Variants in SLC24A3 observed in about 807,000 individuals in gnomAD.
SLC24A3 encodes sodium/potassium/calcium exchanger 3.
Under a neutral mutation model 75.8 loss-of-function variants are expected in SLC24A3, and 28 were observed. The observed-to-expected ratio is 0.37, with a 90% confidence interval of 0.27 to 0.51. SLC24A3 has a LOEUF of 0.51. Ranked by LOEUF, SLC24A3 falls within the 20% of genes least tolerant of loss-of-function variation. The probability of loss-of-function intolerance (pLI) is 0.94; values close to 1 mark genes in which losing one functional copy is unlikely to be tolerated. For missense variants in SLC24A3, 663 were observed against 847.8 expected, an observed-to-expected ratio of 0.78 and a Z score of 2.71; for synonymous variants, 372 against 334.1, an observed-to-expected ratio of 1.11 and a Z score of -1.24.
intron 2 of SLC24A3, among the ~76,000 whole-genome samples, chr20:19,363,577 T>G (rs896433562): frequency 1.3e-5 from 2 of 152,122 alleles, no homozygotes; most frequent in African/African-American, 4.8e-5. Context: ...GGATGCCCAT[T>G]CATGGTGCTC....
intron 2 of SLC24A3, among the ~76,000 whole-genome samples, chr20:19,443,030 A>G (rs976513213): frequency 2.0e-5 from 3 of 152,118 alleles, no homozygotes; most frequent in African/African-American, 7.2e-5. Flanking sequence ...TAAGCTTTCT[A>G]TTGTGTTCCA....
intron 1 of SLC24A3, among the ~76,000 whole-genome samples, chr20:19,275,077 T>A (rs1303918485): frequency 6.6e-6 from 1 of 152,212 alleles, no homozygotes; most frequent in African/African-American, 2.4e-5. Flanking sequence ...CTCTGAGTGC[T>A]TCAGCCAGAT....
chr20:19,323,478 A>T (rs1260251705), intron 2 of SLC24A3, among the ~76,000 whole-genome samples: 3 of 152,134 alleles, frequency 2.0e-5, no homozygotes, highest in Non-Finnish European at 4.4e-5. Context: ...TATATTTAAG[A>T]TATTTTAAAA....
intron 2 of SLC24A3, among the ~76,000 whole-genome samples, chr20:19,439,005 G>A (rs1271753995): frequency 6.6e-6 from 1 of 152,246 alleles, no homozygotes; most frequent in Non-Finnish European, 1.5e-5. Flanking sequence ...GGGGGAAGAA[G>A]CCTTTGGCTG....
At chr20:19,566,035 A>G (rs1349424844) in intron 3 of SLC24A3, among the ~76,000 whole-genome samples, 1 of 152,178 alleles carries the variant, frequency 6.6e-6, no homozygotes, top group East Asian at 1.9e-4. Context: ...AAGCTCATTC[A>G]TTCATTCATT....
chr20:19,463,630 T>G (rs1393655440), intron 2 of SLC24A3, among the ~76,000 whole-genome samples: 1 of 149,122 alleles, frequency 6.7e-6, no homozygotes, highest in South Asian at 2.2e-4. Flanking sequence ...TAGCCCGGAC[T>G]CAAGGGCAGA....
intron 2 of SLC24A3, among the ~76,000 whole-genome samples, chr20:19,310,342 G>A (rs570149334): frequency 6.6e-6 from 1 of 152,180 alleles, no homozygotes; most frequent in Non-Finnish European, 1.5e-5. Context: ...AATTTCAAAA[G>A]TTCCCAGGTG....
chr20:19,430,331 G>A (rs1676743792), intron 2 of SLC24A3, among the ~76,000 whole-genome samples: 2 of 152,204 alleles, frequency 1.3e-5, no homozygotes, highest in South Asian at 4.2e-4. Flanking sequence ...TTTTCCCTTG[G>A]CTCACCGCTC....
intron 2 of SLC24A3, among the ~76,000 whole-genome samples, chr20:19,502,868 C>CAAAAAAAAAAAA (rs368651686): frequency 1.4e-5 from 1 of 72,208 alleles, no homozygotes; most frequent in African/African-American, 5.1e-5. Flanking sequence ...CTGTCTCTAC[C>CAAAAAAAAAAAA]AAAAAAAAAA....
intron 2 of SLC24A3, among the ~76,000 whole-genome samples, chr20:19,306,793 C>A (rs1984343444): frequency 6.6e-6 from 1 of 152,156 alleles, no homozygotes; most frequent in African/African-American, 2.4e-5. Flanking sequence ...ATACACCAAA[C>A]CTTAGCAACA....
intron 15 of SLC24A3, among the ~76,000 whole-genome samples, chr20:19,713,943 C>T (rs2033016209): frequency 6.6e-6 from 1 of 152,136 alleles, no homozygotes; most frequent in Non-Finnish European, 1.5e-5. Context: ...TGCCTTAAAC[C>T]AGAGGGTTGC....
intron 16 of SLC24A3, 52 bp downstream of exon 16, chr20:19,717,645 C>G: frequency 6.2e-7 from 1 of 1,607,926 alleles, no homozygotes; most frequent in Non-Finnish European, 8.5e-7. Flanking sequence ...CTTTCCTCCC[C>G]TTGGTTTCTT....
chr20:19,226,511 A>T (rs1981874742), intron 1 of SLC24A3, among the ~76,000 whole-genome samples: 1 of 152,174 alleles, frequency 6.6e-6, no homozygotes, highest in South Asian at 2.1e-4. Flanking sequence ...TTAACTTATC[A>T]TGGGCATCCC....
chr20:19,530,312 C>T (rs527712073), intron 3 of SLC24A3, among the ~76,000 whole-genome samples: 3 of 152,304 alleles, frequency 2.0e-5, no homozygotes, highest in East Asian at 3.9e-4. Context: ...ACAGAATCAC[C>T]GTGCTACTCT....
At chr20:19,345,520 C>G (rs908297150) in intron 2 of SLC24A3, among the ~76,000 whole-genome samples, 2 of 152,002 alleles carry the variant, frequency 1.3e-5, no homozygotes, top group African/African-American at 2.4e-5. Flanking sequence ...CTACGGTAAT[C>G]AAGACAATGT....
chr20:19,394,270 G>T (rs1258582652), intron 2 of SLC24A3, among the ~76,000 whole-genome samples: 1 of 152,050 alleles, frequency 6.6e-6, no homozygotes, highest in East Asian at 1.9e-4. Context: ...GAAAACATAG[G>T]AGTAAAGCTT....
intron 6 of SLC24A3, among the ~76,000 whole-genome samples, chr20:19,643,331 G>T (rs1600317695): frequency 6.6e-6 from 1 of 152,104 alleles, no homozygotes; most frequent in Admixed American, 6.5e-5. Flanking sequence ...CCAAACACCA[G>T]GTAGAAATCT....
At chr20:19,243,567 G>A (rs1485782740) in intron 1 of SLC24A3, among the ~76,000 whole-genome samples, 2 of 152,202 alleles carry the variant, frequency 1.3e-5, no homozygotes, top group Non-Finnish European at 2.9e-5. Flanking sequence ...AGGAGAACAT[G>A]GGTAGGTAAT....
At chr20:19,272,161 C>G (rs917648380) in intron 1 of SLC24A3, among the ~76,000 whole-genome samples, 6 of 152,242 alleles carry the variant, frequency 3.9e-5, no homozygotes, top group Non-Finnish European at 8.8e-5. Flanking sequence ...TTTCCCTGAT[C>G]CTTGCAGCCC....
Sources: gnomAD v4.1 joint callset for allele counts (sites outside exome capture counted in the v4.1 genomes callset) on GRCh38, gnomAD v4.1.1 for gene constraint, MANE v1.5 for transcripts, NCBI Gene and HGNC (gene_info 2026-07-23, HGNC 2026-07-21) for gene names.